The following RIMS2 variants were observed in gnomAD, a reference collection of about 807,000 sequenced individuals.
The protein encoded by RIMS2 is regulating synaptic membrane exocytosis protein 2.
RIMS2 carries 59 observed loss-of-function variants against 174.4 expected under a neutral mutation model. The ratio of observed to expected loss-of-function variants is 0.34; its 90% CI spans 0.27 to 0.42. RIMS2 has a LOEUF of 0.42. RIMS2 is among the 10% of genes least tolerant of loss of function. The pLI is 1.00. For synonymous variants in RIMS2, 606 were observed against 572.5 expected (o/e 1.06, Z -0.84); for missense variants, 1,620 against 1,666.3 (o/e 0.97, Z 0.48).
At chr8:103,808,211 T>C (rs1453635541) in intron 3 of RIMS2, among the ~76,000 whole-genome samples, 1 of 152,108 alleles carries the variant, frequency 6.6e-6, no homozygotes, top group Non-Finnish European at 1.5e-5. Context: ...TTGATCATAA[T>C]ATTTTTCTTA....
chr8:103,542,521 A>G (rs961167962), intron 1 of RIMS2, among the ~76,000 whole-genome samples: 1 of 152,232 alleles, frequency 6.6e-6, no homozygotes, highest in South Asian at 2.1e-4. Context: ...TCAAAGCCAG[A>G]CAAGGACACT....
At chr8:103,690,245 T>C (rs998796272) in intron 1 of RIMS2, among the ~76,000 whole-genome samples, 2 of 152,200 alleles carry the variant, frequency 1.3e-5, no homozygotes, top group African/African-American at 4.8e-5. Flanking sequence ...ATTATAGTCA[T>C]GAGCCACCGC....
At chr8:103,779,523 T>C (rs2098360781) in intron 3 of RIMS2, among the ~76,000 whole-genome samples, 1 of 152,034 alleles carries the variant, frequency 6.6e-6, no homozygotes, top group East Asian at 1.9e-4. Context: ...CCTATGAATG[T>C]TCTTGGTGCC....
intron 19 of RIMS2, among the ~76,000 whole-genome samples, chr8:104,102,411 A>C (rs561925114): frequency 2.6e-5 from 4 of 152,236 alleles, no homozygotes; most frequent in Non-Finnish European, 5.9e-5. Context: ...CTAATGCTTA[A>C]TTGCCTCTGA....
chr8:103,669,218 G>A (rs1311508771), intron 1 of RIMS2, among the ~76,000 whole-genome samples: 2 of 152,124 alleles, frequency 1.3e-5, no homozygotes, highest in East Asian at 3.9e-4. Flanking sequence ...ATCAGATCTC[G>A]TGAGACTTAT....
chr8:103,896,836 G>T (rs542491974), intron 4 of RIMS2, among the ~76,000 whole-genome samples: 1 of 151,564 alleles, frequency 6.6e-6, no homozygotes, highest in East Asian at 1.9e-4. Context: ...TTATATGATG[G>T]CTCAGGGCTC....
chr8:104,246,504 C>G (rs991685835), intron 20 of RIMS2, among the ~76,000 whole-genome samples: 9 of 152,084 alleles, frequency 5.9e-5, no homozygotes. Flanking sequence ...TTTACACTCT[C>G]ATAGAGAAGA....
In RIMS2 at chr8:103,630,990, GGTTAA is replaced by G. The variant is rs1443664536; in HGVS notation, c.177-66091_177-66087del. Among the ~76,000 whole-genome samples the G allele has an allele frequency of 3.3e-5, 5 of 152,020 alleles. No individual in the cohort carries two copies. In the South Asian group the frequency reaches 8.3e-4, roughly 25 times the overall value. On this transcript the variant is annotated intron_variant, in intron 1 of 23. Transcript: ENST00000504942. The stretch of plus-strand genomic sequence containing the variant: ...TTGCCTGTTTTTCTCTTGTAAATTT[GGTTAA>G]GTTACTTGTAGATGTTGGATATTAG...
intron 5 of RIMS2, 50 bp from the exon 8 acceptor site, chr8:103,910,271 T>G (rs569694867): frequency 6.7e-7 from 1 of 1,497,332 alleles, no homozygotes; most frequent in South Asian, 1.2e-5. Flanking sequence ...TTTACACCTT[T>G]GCATGTTTCT....
intron 1 of RIMS2, among the ~76,000 whole-genome samples, chr8:103,610,779 C>T (rs1459454955): frequency 1.3e-5 from 2 of 152,056 alleles, no homozygotes; most frequent in Non-Finnish European, 2.9e-5. Context: ...AAGATATTGG[C>T]TGGAAATTTT....
chr8:103,897,819 T>C (rs1346019123), intron 4 of RIMS2, among the ~76,000 whole-genome samples: 5 of 151,680 alleles, frequency 3.3e-5, no homozygotes, highest in Non-Finnish European at 7.4e-5. Context: ...TTTCCCACCA[T>C]AGATGCTTTT....
intron 3 of RIMS2, among the ~76,000 whole-genome samples, chr8:103,844,082 G>C (rs985327357): frequency 6.6e-6 from 1 of 152,154 alleles, no homozygotes; most frequent in African/African-American, 2.4e-5. Context: ...AATGTGACTT[G>C]CTCCTCCTTG....
rs540039509 is a variant in RIMS2 at position 103,895,979 on chromosome 8, T to A, written c.1624+9756T>A. On this transcript the variant is annotated intron_variant, in intron 4 of 23. Transcript: ENST00000504942. Reference sequence around the variant, plus strand: ...ATGTTTGTGTGGTATACAGACACATTTAAAGTTCAGCCAGTTCTCAACCCT... The same window carrying A: ...ATGTTTGTGTGGTATACAGACACATATAAAGTTCAGCCAGTTCTCAACCCT... 3.3e-5 allele frequency among the ~76,000 whole-genome samples: 5 copies of A among 151,714 alleles called. No homozygotes were observed. The South Asian group carries it at 1.0e-3, about 31-fold the overall frequency.
At chr8:103,628,829 A>G (rs1345065170) in intron 1 of RIMS2, among the ~76,000 whole-genome samples, 7 of 151,616 alleles carry the variant, frequency 4.6e-5, no homozygotes, top group Non-Finnish European at 1.0e-4. Flanking sequence ...GACAGCCAAC[A>G]GAACAAAAAC....
At chr8:103,992,000 A>G (rs13270260) in intron 17 of RIMS2, among the ~76,000 whole-genome samples, 1 of 152,202 alleles carries the variant, frequency 6.6e-6, no homozygotes, top group Non-Finnish European at 1.5e-5. Flanking sequence ...TAACCTTACC[A>G]TTTTAAAAGG....
chr8:104,216,662 G>A (rs2099131224), intron 19 of RIMS2, among the ~76,000 whole-genome samples: 1 of 152,180 alleles, frequency 6.6e-6, no homozygotes, highest in African/African-American at 2.4e-5. Flanking sequence ...GATTGTGTGT[G>A]TATTAAATGA....
intron 1 of RIMS2, among the ~76,000 whole-genome samples, chr8:103,671,915 T>G (rs2096749432): frequency 6.6e-6 from 1 of 152,200 alleles, no homozygotes; most frequent in Non-Finnish European, 1.5e-5. Context: ...AATAAGCCTG[T>G]TCATCTCTCT....
chr8:103,725,910 T>G (rs758973077), intron 2 of RIMS2, among the ~76,000 whole-genome samples: 6 of 152,206 alleles, frequency 3.9e-5, no homozygotes, highest in Non-Finnish European at 8.8e-5. Flanking sequence ...TTTCTAATGA[T>G]CAGTGATGGT....
chr8:103,983,032 G>T (rs2094044010), intron 16 of RIMS2, among the ~76,000 whole-genome samples: 1 of 152,038 alleles, frequency 6.6e-6, no homozygotes, highest in South Asian at 2.1e-4. Flanking sequence ...TATTAGAACT[G>T]ATAAATTCAG....
Sources: allele counts gnomAD v4.1 joint callset (sites outside exome capture counted in the v4.1 genomes callset), GRCh38; gene constraint gnomAD v4.1.1; transcripts MANE v1.5; gene names NCBI Gene and HGNC (gene_info 2026-07-23, HGNC 2026-07-21).